The following BAHCC1 variants were observed in gnomAD, a reference collection of about 807,000 sequenced individuals.
BAHCC1 encodes the protein BAH domain and coiled-coil containing 1, also known as BAH and coiled-coil domain-containing protein 1.
BAHCC1 carries 43 observed loss-of-function variants against 88.2 expected under a neutral mutation model. That is an observed-to-expected ratio of 0.49 (90% CI 0.38 to 0.63). BAHCC1 has a LOEUF of 0.63. BAHCC1 is among the 20% of genes least tolerant of loss of function. The pLI is 0.00. For missense variants in BAHCC1, 3,023 were observed against 1,654.8 expected (o/e 1.83, Z -14.34); for synonymous variants, 1,510 against 745.5 (o/e 2.03, Z -16.71).
chr17:81,443,232 A>C lies in BAHCC1; in HGVS notation c.1883A>C (p.Asp628Ala). 1 of 779,448 alleles carries C rather than the reference A, an allele frequency of 1.3e-6. No homozygotes were observed. The highest frequency in any genetic ancestry group is 2.4e-6 in the Non-Finnish European group (1 of 417,884). The allele number at this position is 779,448 out of a possible 1,614,324, so 48.3% of individuals were successfully genotyped here. A position where few individuals can be genotyped will look rare whatever the true frequency, so the allele number is the denominator to read the frequency against. ...CCCCAGGAACTGCCTGCGCCGCCGG[A>C]CGAGGTCTCAGCCATGAAGAACCTG... ...LLPQELPAPP[D>A]EVSAMKNLLK... is the part of the protein sequence containing the mutation. The change falls in exon 5 of 28, where the codon GAC becomes GCC. Residue 628 changes from aspartate to alanine, a missense_variant. Coordinates refer to ENST00000675386, the MANE Select transcript of BAHCC1 (RefSeq NM_001377448.1).
At chr17:81,430,191 C>G in intron 3 of BAHCC1, among the ~76,000 whole-genome samples, 1 of 152,162 alleles carries the variant, frequency 6.6e-6, no homozygotes. Context: ...GCCCTATTGT[C>G]AGCAGGCCTG....
chr17:81,445,281 A>G (rs1156853729), intron 9 of BAHCC1, 73 bp from the exon 10 acceptor site: 1 of 725,200 alleles, frequency 1.4e-6, no homozygotes, highest in African/African-American at 1.7e-5. Flanking sequence ...CTCTGGCAGG[A>G]TGAACCCAAG....
intron 2 of BAHCC1, among the ~76,000 whole-genome samples, chr17:81,425,491 TG>T (rs1406822404): frequency 1.3e-4 from 8 of 60,426 alleles, no homozygotes; most frequent in East Asian, 1.2e-3. Context: ...ATGTGGTTGG[TG>T]GGTGATGTGG....
Position 81,399,144 on chromosome 17 carries a change from T to TGC in BAHCC1, c.-206-389_-206-388insCG. On this transcript the variant is annotated intron_variant, in intron 1 of 27. Transcript: ENST00000675386. This position sits in a 1 kb window ranked among gnomAD's most constrained non-coding sequence, Gnocchi z 4.5. ...GTGCGTGTGAGTGTGTGTGTGTGTG[T>TGC]GTGTGTGTGCGAGTGTGCGTGATGG... The TGC allele has an allele frequency of 2.7e-6, 1 of 376,224 alleles. No individual in the cohort carries two copies. Among genetic ancestry groups the TGC allele is most frequent in the Non-Finnish European group, 5.4e-6 (1 of 185,398 alleles). The allele number at this position is 376,224 out of a possible 1,614,324, so 23.3% of individuals were successfully genotyped here.
chr17:81,456,136 G>C, intron 15 of BAHCC1, 161 bp from the exon 16 acceptor site: 2 of 569,812 alleles, frequency 3.5e-6, no homozygotes, highest in Non-Finnish European at 3.1e-6. Flanking sequence ...GGCAGGCCCT[G>C]TGTCTCTGGG....
chr17:81,441,833 A>G lies in BAHCC1; in HGVS notation c.484A>G (p.Asn162Asp). 1.6e-6 allele frequency: 1 copy of G among 642,434 alleles called. No individual in the cohort carries two copies. The highest frequency in any genetic ancestry group is 2.9e-6 in the Non-Finnish European group (1 of 348,650). 39.8% of individuals were successfully genotyped at this position (642,434 alleles called of 1,614,324 possible). The change falls in exon 5 of 28, where the codon AAC (asparagine) becomes GAC (aspartate). Residue 162 changes from asparagine (N) to aspartate (D), a missense_variant and splice_region_variant. Coordinates refer to ENST00000675386, the MANE Select transcript of BAHCC1 (RefSeq NM_001377448.1). ...GACCTTGGCTCTTTCCCACACAGAT[A>G]ACTTCTACCTGCGCAACCTGCCGCC... ...QHRFYGTQKD[N>D]FYLRNLPPQP...
rs1555653954 is a variant in BAHCC1, at chr17:81,445,081, T to G, written c.2738T>G (p.Met913Arg). Residue 913 changes from methionine (M) to arginine (R), a missense_variant, in exon 9 of 28, where the codon ATG (methionine) becomes AGG (arginine). By Grantham distance (91) the Met-to-Arg change is moderately conservative. Coordinates refer to ENST00000675386, the MANE Select transcript of BAHCC1 (RefSeq NM_001377448.1). ...GGGGGCCGGGGCCCCGCCTCTCACA[T>G]GCAGCACCCGGGCCAGCTCCCTGTG... ...MYGGRGPASH[M>R]QHPGQLPVYS... The G allele has an allele frequency of 3.9e-6, 3 of 770,738 alleles. No individual in the cohort carries two copies. Among genetic ancestry groups the G allele is most frequent in the Non-Finnish European group, 7.2e-6 (3 of 414,678 alleles). 47.7% of individuals were successfully genotyped at this position (770,738 alleles called of 1,614,324 possible). A position where few individuals can be genotyped will look rare whatever the true frequency, so the allele number is the denominator to read the frequency against.
At chr17:81,427,884 C>T (rs923517839) in intron 3 of BAHCC1, among the ~76,000 whole-genome samples, 1 of 152,198 alleles carries the variant, frequency 6.6e-6, no homozygotes, top group Non-Finnish European at 1.5e-5. Context: ...ACCACGCCAC[C>T]GCCCCGTTCC....
intron 2 of BAHCC1, among the ~76,000 whole-genome samples, chr17:81,414,710 G>A (rs1323579128): frequency 6.6e-6 from 1 of 152,238 alleles, no homozygotes; most frequent in Non-Finnish European, 1.5e-5. Flanking sequence ...GCCGTCGGGG[G>A]CAGGAGGGAC....
rs1414673193 is a variant in BAHCC1, at chr17:81,411,275, CA to C, written c.178+11361del. 2.2e-6 allele frequency: 1 copy of C among 463,320 alleles called. No individual in the cohort carries two copies. Among genetic ancestry groups the C allele is most frequent in the Non-Finnish European group, 4.3e-6 (1 of 231,578 alleles). The allele number at this position is 463,320 out of a possible 1,614,324, so 28.7% of individuals were successfully genotyped here. Reference sequence around the variant, plus strand: ...AGCAGCTCCCCTTCTCGGCAGCTCCCAAACCCTGACCCCAGACAGGCAGCAG... The same window carrying C: ...AGCAGCTCCCCTTCTCGGCAGCTCCCAACCCTGACCCCAGACAGGCAGCAG... On this transcript the variant is annotated intron_variant, in intron 2 of 27. Coordinates refer to ENST00000675386, the MANE Select transcript of BAHCC1 (RefSeq NM_001377448.1). This position sits in a 1 kb window ranked among gnomAD's most constrained non-coding sequence, Gnocchi z 6.2.
chr17:81,419,702 GGCAGCTGGGCTTCC>G (rs2064091046), intron 2 of BAHCC1, among the ~76,000 whole-genome samples: 2 of 152,080 alleles, frequency 1.3e-5, no homozygotes, highest in Admixed American at 1.3e-4. Flanking sequence ...CCAGCAGCCC[GGCAGCTGGGCTTCC>G]GGAAGCAGCG....
rs782816495 is a variant in BAHCC1 at position 81,442,406 on chromosome 17, C to T, written c.1057C>T (p.Pro353Ser). The T allele has an allele frequency of 1.4e-6, 1 of 694,430 alleles. No individual in the cohort carries two copies. Among genetic ancestry groups the T allele is most frequent in the Non-Finnish European group, 2.7e-6 (1 of 376,118 alleles). 43.0% of individuals were successfully genotyped at this position (694,430 alleles called of 1,614,324 possible). A position where few individuals can be genotyped will look rare whatever the true frequency, so the allele number is the denominator to read the frequency against. The change falls in exon 5 of 28, where the codon CCA (proline) becomes TCA (serine). Residue 353 changes from proline (P) to serine (S), a missense_variant. By Grantham distance (74) the Pro-to-Ser change is moderately conservative (BLOSUM62 -1). Coordinates refer to ENST00000675386, the MANE Select transcript of BAHCC1 (RefSeq NM_001377448.1). ...MLHHTASYAG[P>S]PPPLSTAAGS... ...ACACCACACCGCATCCTACGCCGGG[C>T]CACCCCCGCCCCTCAGCACAGCCGC... is the stretch of plus-strand genomic sequence containing the variant.
chr17:81,445,753 C>T (rs1441940711), intron 10 of BAHCC1, 72 bp downstream of exon 10: 9 of 675,432 alleles, frequency 1.3e-5, no homozygotes, highest in East Asian at 8.1e-5. Flanking sequence ...GGCAGGGCTG[C>T]GCTGAATCCG....
Position 81,445,588 on chromosome 17 carries a change from A to T in BAHCC1, c.3070A>T (p.Ser1024Cys), listed in dbSNP as rs959516879. The stretch of plus-strand genomic sequence containing the variant: ...GTGCACTTTAAATGTCTGCCCTGCC[A>T]GCAGCCCCGGGCCTGGCTCCCGGGT... ...APCTLNVCPA[S>C]SPGPGSRVRS... Residue 1024 changes from serine (S) to cysteine (C), a missense_variant, in exon 10 of 28, where the codon AGC becomes TGC. Ser to Cys is a moderately radical substitution (Grantham distance 112). Coordinates refer to ENST00000675386, the MANE Select transcript of BAHCC1 (RefSeq NM_001377448.1). The T allele has an allele frequency of 6.9e-6, 5 of 725,780 alleles. No homozygotes were observed. Among genetic ancestry groups the T allele is most frequent in the Non-Finnish European group, 1.3e-5 (5 of 390,700 alleles). The allele number at this position is 725,780 out of a possible 1,614,324, so 45.0% of individuals were successfully genotyped here.
rs1555652640 is a variant in BAHCC1 at position 81,442,072 on chromosome 17, A to G, written c.723A>G (p.Ala241=). 1.4e-6 allele frequency: 1 copy of G among 710,156 alleles called. No homozygotes were observed. The highest frequency in any genetic ancestry group is 1.5e-5 in the South Asian group (1 of 66,734). 44.0% of individuals were successfully genotyped at this position (710,156 alleles called of 1,614,324 possible). The stretch of plus-strand genomic sequence containing the variant: ...CTGAGGGCAAGGAGCGGCCAGCGGC[A>G]GAGGAGGACGGTGGCAAGGAGCGGC... ...KAAEGKERPA[A]EEDGGKERHK... Residue 241 remains alanine, a synonymous_variant, in exon 5 of 28, where the codon GCA becomes GCG. Transcript: ENST00000675386.
In BAHCC1 at chr17:81,461,603, C is replaced by T. The variant is rs782065736; in HGVS notation, c.6940C>T (p.Leu2314=). The T allele has an allele frequency of 2.7e-6, 2 of 734,256 alleles. No individual in the cohort carries two copies. Among genetic ancestry groups the T allele is most frequent in the Non-Finnish European group, 5.1e-6 (2 of 394,910 alleles). 45.5% of individuals were successfully genotyped at this position (734,256 alleles called of 1,614,324 possible). The change falls in exon 26 of 28, where the codon CTG becomes TTG. Residue 2314 remains leucine (L), a synonymous_variant. Coordinates refer to ENST00000675386, the MANE Select transcript of BAHCC1 (RefSeq NM_001377448.1). ...AGVPSRFLAR[L]SVSSSSSGSS... is the part of the protein sequence containing the mutation. ...CGTGCCCTCCCGCTTCCTCGCCCGC[C>T]TGTCCGTGTCCTCTTCCTCCTCTGG... is the stretch of plus-strand genomic sequence containing the variant.
At chr17:81,462,595 G>A (rs1303157029) in intron 26 of BAHCC1, 145 bp from the exon 27 acceptor site, 2 of 600,020 alleles carry the variant, frequency 3.3e-6, no homozygotes, top group Non-Finnish European at 5.9e-6. Context: ...CCGCGGTGCT[G>A]CGGCTTCCTG....
intron 17 of BAHCC1, among the ~76,000 whole-genome samples, 175 bp from the exon 18 acceptor site, chr17:81,457,989 CA>C (rs2064782891): frequency 9.6e-6 from 1 of 104,496 alleles, no homozygotes; most frequent in African/African-American, 3.8e-5. Flanking sequence ...GCTGGGTAAC[CA>C]GGAGGGAGGG....
At position 81,442,786 on chromosome 17, in the gene BAHCC1, C is replaced by A. The variant is rs1555652972; in HGVS notation, c.1437C>A (p.Ser479=). 1.3e-6 allele frequency: 1 copy of A among 779,528 alleles called. No individual in the cohort carries two copies. The highest frequency in any genetic ancestry group is 2.4e-5 in the East Asian group (1 of 41,252). The allele number at this position is 779,528 out of a possible 1,614,324, so 48.3% of individuals were successfully genotyped here. A position where few individuals can be genotyped will look rare whatever the true frequency, so the allele number is the denominator to read the frequency against. Reference sequence around the variant, plus strand: ...TCAGCAGCGCAGGCCCCGAGGCCTCCTTCCCCGGACTCCCTAAAAGCGGTC... The same window carrying A: ...TCAGCAGCGCAGGCCCCGAGGCCTCATTCCCCGGACTCCCTAAAAGCGGTC... ...DYLSSAGPEA[S]FPGLPKSGLD... Residue 479 remains serine, a synonymous_variant, in exon 5 of 28, where the codon TCC becomes TCA. Coordinates refer to ENST00000675386, the MANE Select transcript of BAHCC1 (RefSeq NM_001377448.1).
Sources: gnomAD v4.1 joint callset for allele counts (sites outside exome capture counted in the v4.1 genomes callset) on GRCh38, gnomAD v4.1.1 for gene constraint, Gnocchi (gnomAD v3.1) non-coding constraint, MANE v1.5 for transcripts, NCBI Gene and HGNC (gene_info 2026-07-23, HGNC 2026-07-21) for gene names.